The following KLRG1 variants were observed in gnomAD, a reference collection of about 807,000 sequenced individuals.
The protein encoded by KLRG1 is killer cell lectin like receptor G1, also known as killer cell lectin-like receptor subfamily G member 1.
Under a neutral mutation model 21.8 loss-of-function variants are expected in KLRG1, and 16 were observed. The observed-to-expected ratio is 0.73, with a 90% CI of 0.50 to 1.11. KLRG1 has a LOEUF of 1.11. Ranked by LOEUF, KLRG1 falls within the 50% of genes most tolerant of loss-of-function variation. KLRG1 has a pLI of 0.00. For missense variants in KLRG1, 173 were observed against 218.3 expected, an observed-to-expected ratio of 0.79 and a Z score of 1.31; for synonymous variants, 69 against 75.9, an observed-to-expected ratio of 0.91 and a Z score of 0.47.
the KLRG1 span, among the ~76,000 whole-genome samples, chr12:9,070,793 G>A: frequency 1.3e-5 from 2 of 151,548 alleles, no homozygotes; most frequent in Non-Finnish European, 1.5e-5. Flanking sequence ...TGATGAATCA[G>A]AATGTCTAGT....
At chr12:9,105,190 AC>A in the KLRG1 span, among the ~76,000 whole-genome samples, 1 of 152,032 alleles carries the variant, frequency 6.6e-6, no homozygotes, top group East Asian at 1.9e-4. Context: ...CAATAGGCTG[AC>A]CCCCATCAGT....
At position 8,974,828 on chromosome 12, in the gene KLRG1, C is replaced by T. The variant is rs1946630923; in HGVS notation, c.-155-17378C>T. ...ATCAGGGACATTTGTCTGTAGTTTC[C>T]TTTTCTTGTGGTATCTTTGATATTG... On this transcript the variant is annotated intron_variant, in intron 1 of 4. Transcript: ENST00000539240. 2.0e-5 allele frequency among the ~76,000 whole-genome samples: 3 copies of T among 151,578 alleles called. No homozygotes were observed. The South Asian group carries it at 6.2e-4, about 31-fold the overall frequency.
chr12:9,091,083 C>A, the KLRG1 span: 4 of 1,270,724 alleles, frequency 3.1e-6, no homozygotes, highest in African/African-American at 1.5e-5. Flanking sequence ...GTAACTTTTA[C>A]AATCATGAAT....
the KLRG1 span, among the ~76,000 whole-genome samples, chr12:9,214,492 A>G: frequency 1.3e-5 from 2 of 151,870 alleles, no homozygotes; most frequent in African/African-American, 4.8e-5. Flanking sequence ...AGAGTTCCTT[A>G]CTCTGCCTTT....
At chr12:9,115,977 A>T in the KLRG1 span, 2 of 773,052 alleles carry the variant, frequency 2.6e-6, no homozygotes, top group Non-Finnish European at 4.6e-6. Flanking sequence ...AGGAAGTTCC[A>T]CCCACACAAG....
the KLRG1 span, among the ~76,000 whole-genome samples, chr12:9,183,095 A>G: frequency 1.3e-5 from 2 of 152,242 alleles, no homozygotes; most frequent in Non-Finnish European, 2.9e-5. Flanking sequence ...TAGAAGAACT[A>G]TAATTGATTT....
chr12:9,113,328 C>A, the KLRG1 span: 53 of 1,607,458 alleles, frequency 3.3e-5, no homozygotes, highest in Non-Finnish European at 4.3e-5. Context: ...ACTAAAAGAA[C>A]CAAGTATATT....
chr12:9,036,568 A>G, the KLRG1 span: 2,654 of 164,944 alleles, frequency 0.016, 44 homozygotes, highest in South Asian at 0.048. Context: ...CCAAATATAA[A>G]CGGTGTGAGT....
chr12:9,103,486 A>G, the KLRG1 span, among the ~76,000 whole-genome samples: 445 of 152,306 alleles, frequency 2.9e-3, 2 homozygotes, highest in African/African-American at 0.01. Flanking sequence ...GGTAGTATTA[A>G]GTATATCTGT....
chr12:9,163,653 C>T, the KLRG1 span: 2 of 1,611,710 alleles, frequency 1.2e-6, no homozygotes, highest in Middle Eastern at 1.7e-4. Context: ...TTAGGGACTC[C>T]CAAAAATATG....
At chr12:9,201,358 A>C in the KLRG1 span, 2 of 1,554,910 alleles carry the variant, frequency 1.3e-6, no homozygotes, top group Non-Finnish European at 1.8e-6. Flanking sequence ...CTATATGATA[A>C]AAGGAAAGAA....
chr12:9,076,637 T>C, the KLRG1 span: 1 of 859,394 alleles, frequency 1.2e-6, no homozygotes, highest in Non-Finnish European at 1.8e-6. Flanking sequence ...AAAATATATA[T>C]GATATATAGA....
At chr12:9,054,892 C>A in the KLRG1 span, among the ~76,000 whole-genome samples, 1 of 152,174 alleles carries the variant, frequency 6.6e-6, no homozygotes, top group African/African-American at 2.4e-5. Flanking sequence ...CTGGAACATT[C>A]TGGGTTTCCA....
intron 1 of KLRG1, among the ~76,000 whole-genome samples, chr12:8,958,399 T>C (rs1946331138): frequency 6.6e-6 from 1 of 152,268 alleles, no homozygotes; most frequent in Non-Finnish European, 1.5e-5. Flanking sequence ...AGTTGATATC[T>C]TTATTATTAA....
chr12:9,165,940 G>T, the KLRG1 span: 2 of 1,292,296 alleles, frequency 1.5e-6, no homozygotes, highest in Non-Finnish European at 2.1e-6. Context: ...TAAAGAGGAA[G>T]AGGTTAAGAT....
chr12:9,050,999 C>T, the KLRG1 span, among the ~76,000 whole-genome samples: 1 of 152,190 alleles, frequency 6.6e-6, no homozygotes, highest in African/African-American at 2.4e-5. Context: ...AGTAAGGCCC[C>T]ACCTTCAGAT....
the KLRG1 span, chr12:9,165,142 G>T: frequency 6.2e-7 from 1 of 1,613,406 alleles, no homozygotes; most frequent in Non-Finnish European, 8.5e-7. Flanking sequence ...TCCTTACCCG[G>T]ATGCATTTGG....
chr12:9,148,858 A>C, the KLRG1 span: 1 of 882,596 alleles, frequency 1.1e-6, no homozygotes, highest in Non-Finnish European at 1.8e-6. Flanking sequence ...CCAGAAGTAC[A>C]TATTTATTCA....
the KLRG1 span, among the ~76,000 whole-genome samples, chr12:9,018,913 G>A: frequency 2.0e-5 from 3 of 151,976 alleles, no homozygotes; most frequent in Non-Finnish European, 2.9e-5. Flanking sequence ...GGCAACCAAA[G>A]CAAAAATGAA....
Sources: allele counts gnomAD v4.1 joint callset (sites outside exome capture counted in the v4.1 genomes callset), GRCh38; gene constraint gnomAD v4.1.1; transcripts MANE v1.5; gene names NCBI Gene and HGNC (gene_info 2026-07-23, HGNC 2026-07-21).